TSPAN33: variants seen among roughly 807,000 people sequenced by gnomAD.
TSPAN33 encodes tetraspanin-33.
In TSPAN33, 27 loss-of-function variants were observed where a neutral mutation model predicts 34.8. The observed-to-expected ratio is 0.78, with a 90% CI of 0.57 to 1.07. The LOEUF is 1.07. Ranked by LOEUF, TSPAN33 falls within the 50% of genes least tolerant of loss-of-function variation. The pLI is 0.00. For synonymous variants in TSPAN33, 119 were observed against 124.2 expected (o/e 0.96, Z 0.28); for missense variants, 272 against 324.9 (o/e 0.84, Z 1.25).
intron 1 of TSPAN33, among the ~76,000 whole-genome samples, chr7:129,150,331 G>A (rs1424607885): frequency 6.6e-6 from 1 of 152,182 alleles, no homozygotes; most frequent in African/African-American, 2.4e-5. Flanking sequence ...CCTGGGCCCT[G>A]CTGGCACCCT....
intron 5 of TSPAN33, 120 bp downstream of exon 5, chr7:129,164,689 G>A (rs1793110144): frequency 1.1e-6 from 1 of 930,438 alleles, no homozygotes; most frequent in Admixed American, 1.9e-5. Flanking sequence ...CTTCTGGGAA[G>A]GGGTTTGGCA....
intron 1 of TSPAN33, among the ~76,000 whole-genome samples, chr7:129,161,255 G>A (rs1793045059): frequency 6.6e-6 from 1 of 152,136 alleles, no homozygotes; most frequent in Admixed American, 6.5e-5. Context: ...TATTTTGTGT[G>A]TGTGTCTAGA....
rs74993349 is a variant in TSPAN33 at position 129,165,940 on chromosome 7, C to CTT, written c.460-829_460-828dup. 6.7e-6 allele frequency among the ~76,000 whole-genome samples: 1 copy of CTT among 149,962 alleles called. No individual in the cohort carries two copies. Among genetic ancestry groups the CTT allele is most frequent in the East Asian group, 2.0e-4 (1 of 4,976 alleles). On this transcript the variant is annotated intron_variant, in intron 5 of 7. Coordinates refer to ENST00000486685, the MANE Select transcript of TSPAN33 (RefSeq NM_178562.5). The surrounding 1 kb of genome is among the most constrained non-coding windows in gnomAD (Gnocchi z 4.5). ...TAAATAAGTGAAAAATAAAAGTTAA[C>CTT]TTTTTTTTTTCCCTGAGACGGAGTC...
At position 129,144,994 on chromosome 7, in the gene TSPAN33, C is replaced by T. The variant is rs764072097; in HGVS notation, c.14C>T (p.Pro5Leu). ...GGCGGCGGGGCCATGGCGCGGAGAC[C>T]CCGGGCGCCGGCCGCCTCCGGGGAG... Reference protein sequence around the residue: MARRPRAPAASGEEF... With the variant: MARRLRAPAASGEEF... The change falls in exon 1 of 8, where the codon CCC becomes CTC. Residue 5 changes from proline (P) to leucine (L), a missense_variant. Transcript: ENST00000486685. 1.5e-6 allele frequency: 1 copy of T among 664,524 alleles called. No homozygotes were observed. The highest frequency in any genetic ancestry group is 3.3e-5 in the East Asian group (1 of 30,738). The allele number at this position is 664,524 out of a possible 1,614,324, so 41.2% of individuals were successfully genotyped here.
rs778130817 is a variant in TSPAN33 at position 129,165,998 on chromosome 7, G to T, written c.460-780G>T. Reference sequence around the variant, plus strand: ...GTTACCCAGGCTGGAGTACAATGGCGTGATCTTGGCCCACTGCAACATCCG... The same window carrying T: ...GTTACCCAGGCTGGAGTACAATGGCTTGATCTTGGCCCACTGCAACATCCG... On this transcript the variant is annotated intron_variant, in intron 5 of 7. Transcript: ENST00000486685. This position sits in a 1 kb window ranked among gnomAD's most constrained non-coding sequence, Gnocchi z 4.5. 6.6e-6 allele frequency among the ~76,000 whole-genome samples: 1 copy of T among 151,312 alleles called. No individual in the cohort carries two copies. Among genetic ancestry groups the T allele is most frequent in the Non-Finnish European group, 1.5e-5 (1 of 67,840 alleles).
At chr7:129,149,801 C>T (rs951869820) in intron 1 of TSPAN33, among the ~76,000 whole-genome samples, 4 of 152,230 alleles carry the variant, frequency 2.6e-5, no homozygotes, top group East Asian at 3.9e-4. Flanking sequence ...GGGACAGTGT[C>T]CCCCAATCCA....
rs765795641 is a variant in TSPAN33 at position 129,164,568 on chromosome 7, A to C, written c.458A>C (p.Lys153Thr). 4 of 1,613,264 alleles carry C rather than the reference A, an allele frequency of 2.5e-6. No individual in the cohort carries two copies. Among genetic ancestry groups the C allele is most frequent in the Non-Finnish European group, 3.4e-6 (4 of 1,179,644 alleles). ...LQNLIDFGQK[K>T]FSCCGGISYK... ...AACCTCATTGATTTTGGCCAGAAAAAGGTATGGGTCAGCCAGTGGTCTGGG... is the reference window on the plus strand; with the variant it reads ...AACCTCATTGATTTTGGCCAGAAAACGGTATGGGTCAGCCAGTGGTCTGGG... Residue 153 changes from lysine (K) to threonine (T), a missense_variant and splice_region_variant, in exon 5 of 8, where the codon AAG becomes ACG. Coordinates refer to ENST00000486685, the MANE Select transcript of TSPAN33 (RefSeq NM_178562.5).
rs1332566717 is a variant in TSPAN33, at chr7:129,167,625, G to C, written c.750+65G>C. The stretch of plus-strand genomic sequence containing the variant: ...GTAAAGACTCCTTTGTTTTGGGGAA[G>C]GCACCTGGGGATCAGCGAGGGTGTC... On this transcript the variant is annotated intron_variant, in intron 7 of 7. Coordinates refer to ENST00000486685, the MANE Select transcript of TSPAN33 (RefSeq NM_178562.5). The surrounding 1 kb of genome is among the most constrained non-coding windows in gnomAD (Gnocchi z 4.6). 4 of 1,586,664 alleles carry C rather than the reference G, an allele frequency of 2.5e-6. No individual in the cohort carries two copies. The highest frequency in any genetic ancestry group is 1.3e-5 in the African/African-American group (1 of 74,478).
intron 1 of TSPAN33, among the ~76,000 whole-genome samples, chr7:129,154,318 T>C (rs934327668): frequency 6.6e-6 from 1 of 151,550 alleles, no homozygotes; most frequent in African/African-American, 2.4e-5. Context: ...GAGTGAGACC[T>C]TGTCTGTTGG....
At chr7:129,157,720 A>G (rs960052096) in intron 1 of TSPAN33, among the ~76,000 whole-genome samples, 37 of 152,256 alleles carry the variant, frequency 2.4e-4, no homozygotes, top group African/African-American at 8.7e-4. Flanking sequence ...GGCGATTCTA[A>G]TGGCAGCCAA....
chr7:129,162,883 C>A lies in TSPAN33; in HGVS notation c.339C>A (p.Ile113=), dbSNP rs763854992. ...TCCTGCTGCAGCTGGCCGCTGGGAT[C>A]CTGGGCTTCGTCTTCTCAGACAAGG... The part of the protein sequence containing the change: ...AVFLLQLAAG[I]LGFVFSDKAR... Residue 113 remains isoleucine, a synonymous_variant, in exon 4 of 8, where the codon ATC becomes ATA. Coordinates refer to ENST00000486685, the MANE Select transcript of TSPAN33 (RefSeq NM_178562.5). 1 of 1,613,932 alleles carries A rather than the reference C, an allele frequency of 6.2e-7. No individual in the cohort carries two copies. Among genetic ancestry groups the A allele is most frequent in the East Asian group, 2.2e-5 (1 of 44,880 alleles).
At position 129,153,075 on chromosome 7, in the gene TSPAN33, A is replaced by G. The variant is rs925383819; in HGVS notation, c.102+7993A>G. On this transcript the variant is annotated intron_variant, in intron 1 of 7. Coordinates refer to ENST00000486685, the MANE Select transcript of TSPAN33 (RefSeq NM_178562.5). ...ACTCCGTCTCAAAAAAAAAAAAAAA[A>G]AAAAAAAGAAAAAGAAAAAGAAAAC... 9.9e-5 allele frequency among the ~76,000 whole-genome samples: 14 copies of G among 141,674 alleles called. No individual in the cohort carries two copies. The East Asian group carries it at 2.9e-3, about 29-fold the overall frequency. 92.9% of individuals were successfully genotyped at this position (141,674 alleles called of 152,430 possible).
chr7:129,152,164 GA>G (rs1420423729), intron 1 of TSPAN33, among the ~76,000 whole-genome samples: 3 of 152,194 alleles, frequency 2.0e-5, no homozygotes, highest in African/African-American at 7.2e-5. Flanking sequence ...AGCCGCTGTG[GA>G]AAACAGTTTG....
chr7:129,147,899 T>G (rs1273147985), intron 1 of TSPAN33, among the ~76,000 whole-genome samples: 1 of 152,220 alleles, frequency 6.6e-6, no homozygotes, highest in East Asian at 1.9e-4. Flanking sequence ...CAGTTCCTAC[T>G]GTTCATGTTT....
rs939086853 is a variant in TSPAN33, at chr7:129,169,234, C to T, written c.*1360C>T. Reference sequence around the variant, plus strand: ...CTCCAGGACCTTCTCCCTGAGTCGGCTGTAGGGAGGACTCCGAGGAAGCTC... The same window carrying T: ...CTCCAGGACCTTCTCCCTGAGTCGGTTGTAGGGAGGACTCCGAGGAAGCTC... On this transcript the variant is annotated 3_prime_UTR_variant, in exon 8 of 8. Coordinates refer to ENST00000486685, the MANE Select transcript of TSPAN33 (RefSeq NM_178562.5). Among the ~76,000 whole-genome samples, 3 of 152,222 alleles carry T rather than the reference C, an allele frequency of 2.0e-5. No individual in the cohort carries two copies. Among genetic ancestry groups the T allele is most frequent in the South Asian group, 2.1e-4 (1 of 4,838 alleles).
intron 5 of TSPAN33, 90 bp downstream of exon 5, chr7:129,164,659 C>A: frequency 8.3e-7 from 1 of 1,209,184 alleles, no homozygotes; most frequent in Non-Finnish European, 1.2e-6. Flanking sequence ...TGGGGCTCTT[C>A]ATTACCTGCC....
At chr7:129,146,930 G>T (rs1433662800) in intron 1 of TSPAN33, among the ~76,000 whole-genome samples, 1 of 152,006 alleles carries the variant, frequency 6.6e-6, no homozygotes, top group Non-Finnish European at 1.5e-5. Flanking sequence ...TTACACTTGT[G>T]TTCCTGGTCA....
At chr7:129,152,321 A>G (rs1810607075) in intron 1 of TSPAN33, among the ~76,000 whole-genome samples, 1 of 152,252 alleles carries the variant, frequency 6.6e-6, no homozygotes, top group South Asian at 2.1e-4. Flanking sequence ...AGGTGGGAGC[A>G]ACACAAATGT....
intron 1 of TSPAN33, among the ~76,000 whole-genome samples, chr7:129,145,569 C>G (rs749388431): frequency 3.3e-5 from 5 of 151,782 alleles, no homozygotes; most frequent in Non-Finnish European, 5.9e-5. Context: ...CCTCCACCCC[C>G]CCAAAGTCTA....
Sources: gnomAD v4.1 joint callset for allele counts (sites outside exome capture counted in the v4.1 genomes callset) on GRCh38, gnomAD v4.1.1 for gene constraint, Gnocchi (gnomAD v3.1) non-coding constraint, MANE v1.5 for transcripts, NCBI Gene and HGNC (gene_info 2026-07-23, HGNC 2026-07-21) for gene names.